Variants in KCNMA1 observed in about 807,000 individuals in gnomAD.
KCNMA1 encodes Calcium-activated potassium channel subunit alpha-1.
Under a neutral mutation model 140.0 loss-of-function variants are expected in KCNMA1, and 29 were observed. That is an observed-to-expected ratio of 0.21 (90% CI 0.15 to 0.28). KCNMA1 has a LOEUF of 0.28. Among genes scored for constraint, KCNMA1 ranks in the 10% least tolerant of loss-of-function variants. KCNMA1 has a pLI of 1.00. For missense variants in KCNMA1, 880 were observed against 1,602.2 expected (o/e 0.55, Z 7.70); for synonymous variants, 612 against 611.9 (o/e 1.00, Z 0.00).
intron 25 of KCNMA1, among the ~76,000 whole-genome samples, chr10:76,900,456 TG>T (rs1180945097): frequency 9.2e-5 from 14 of 152,196 alleles, no homozygotes; most frequent in African/African-American, 3.1e-4. Flanking sequence ...TTTTAGAATT[TG>T]GGGTTTTTTT....
chr10:77,263,007 T>C (rs2062436128), intron 2 of KCNMA1, among the ~76,000 whole-genome samples: 1 of 152,154 alleles, frequency 6.6e-6, no homozygotes, highest in Admixed American at 6.6e-5. Context: ...TTTACTGCAA[T>C]TTACAAAATG....
chr10:77,603,720 C>T (rs1319595777), intron 1 of KCNMA1, among the ~76,000 whole-genome samples: 2 of 152,158 alleles, frequency 1.3e-5, no homozygotes, highest in African/African-American at 4.8e-5. Flanking sequence ...ACCCCACAAC[C>T]CAGCCCCCAG....
intron 3 of KCNMA1, among the ~76,000 whole-genome samples, chr10:77,234,959 C>T (rs527706): frequency 0.36 from 54,502 of 152,090 alleles, 10,302 homozygotes; most frequent in East Asian, 0.56. Context: ...CAGAGTTCAG[C>T]AGAGATTTCC....
chr10:77,548,944 G>A (rs774899975), intron 1 of KCNMA1, among the ~76,000 whole-genome samples: 45 of 152,130 alleles, frequency 3.0e-4, no homozygotes, highest in Non-Finnish European at 2.4e-4. Context: ...AACTAATAAG[G>A]GATGCATAGA....
At chr10:77,460,724 G>A (rs954197159) in intron 1 of KCNMA1, among the ~76,000 whole-genome samples, 9 of 152,260 alleles carry the variant, frequency 5.9e-5, no homozygotes, top group Non-Finnish European at 1.2e-4. Context: ...ATAAGTGGGA[G>A]CTAAACTGAG....
intron 2 of KCNMA1, among the ~76,000 whole-genome samples, chr10:77,280,741 C>A (rs7901989): frequency 0.044 from 6,577 of 150,094 alleles, 511 homozygotes; most frequent in African/African-American, 0.15. Context: ...GTTGCCCAGG[C>A]TGGTCTCGAA....
intron 15 of KCNMA1, among the ~76,000 whole-genome samples, chr10:77,035,345 C>T (rs575008270): frequency 6.6e-6 from 1 of 152,340 alleles, no homozygotes; most frequent in South Asian, 2.1e-4. Flanking sequence ...CCCCAGCCTA[C>T]AGGGAGATGT....
intron 1 of KCNMA1, among the ~76,000 whole-genome samples, chr10:77,577,099 C>CT (rs745703118): frequency 8.0e-4 from 115 of 143,128 alleles, no homozygotes; most frequent in Admixed American, 1.8e-3. Flanking sequence ...TACACACTCT[C>CT]TTTTTTTTTC....
intron 1 of KCNMA1, among the ~76,000 whole-genome samples, chr10:77,434,045 A>C (rs1356384309): frequency 1.3e-5 from 2 of 152,222 alleles, no homozygotes; most frequent in Admixed American, 6.5e-5. Flanking sequence ...CCAACCTCAG[A>C]GTTGTCCCTT....
At chr10:77,025,242 G>GTGTATATATATATA (rs1436772387) in intron 16 of KCNMA1, among the ~76,000 whole-genome samples, 16 of 42,762 alleles carry the variant, frequency 3.7e-4, no homozygotes, top group East Asian at 1.8e-3. Context: ...GGGTGTGTGT[G>GTGTATATATATATA]TATATATATA....
chr10:76,951,964 G>A, intron 21 of KCNMA1: 1 of 1,370,034 alleles, frequency 7.3e-7, no homozygotes, highest in African/African-American at 1.4e-5. Flanking sequence ...AATGGTGTGT[G>A]GCACATAGTA....
chr10:77,634,473 A>C, intron 1 of KCNMA1: 7 of 985,422 alleles, frequency 7.1e-6, no homozygotes, highest in Non-Finnish European at 8.4e-6. Flanking sequence ...TTTGATCAAA[A>C]AGGTTTGGTG....
chr10:77,403,954 C>T lies in KCNMA1; in HGVS notation c.448G>A (p.Glu150Lys). The T allele has an allele frequency of 6.2e-7, 1 of 1,614,208 alleles. No individual in the cohort carries two copies. Among genetic ancestry groups the T allele is most frequent in the Non-Finnish European group, 8.5e-7 (1 of 1,180,038 alleles). The change falls in exon 2 of 28, where the codon GAG (glutamate) becomes AAG (lysine). Residue 150 changes from glutamate to lysine, a missense_variant. This residue lies in a region of KCNMA1 where 54 missense variants were observed against 56.4 expected (regional missense o/e 0.96). Coordinates refer to ENST00000286628, the MANE Select transcript of KCNMA1 (RefSeq NM_001161352.2). ...CAGCCGACCTCGGCGGCCACTGCCT[C>T]CTCTTTTTCATCCACTGGTTTGAGA... is the stretch of plus-strand genomic sequence containing the variant. Reference protein sequence around the residue: ...GTLKPVDEKEEAVAAEVGWMT... With the variant: ...GTLKPVDEKEKAVAAEVGWMT...
At chr10:77,598,356 C>A (rs779174966) in intron 1 of KCNMA1, among the ~76,000 whole-genome samples, 22 of 152,176 alleles carry the variant, frequency 1.4e-4, no homozygotes, top group Non-Finnish European at 2.5e-4. Context: ...GCATCCCCAG[C>A]ACCTAGCACA....
At chr10:77,396,112 G>A (rs1247877872) in intron 2 of KCNMA1, among the ~76,000 whole-genome samples, 1 of 152,204 alleles carries the variant, frequency 6.6e-6, no homozygotes, top group Non-Finnish European at 1.5e-5. Context: ...TCCCTTAGGA[G>A]TGTTAAAACA....
intron 14 of KCNMA1, among the ~76,000 whole-genome samples, chr10:77,068,847 C>T (rs998362081): frequency 6.7e-5 from 8 of 118,520 alleles, no homozygotes; most frequent in Non-Finnish European, 1.1e-4. Flanking sequence ...GTTAATCACC[C>T]TCTAAACACA....
At chr10:77,626,721 C>G (rs148899197) in intron 1 of KCNMA1, among the ~76,000 whole-genome samples, 1 of 152,322 alleles carries the variant, frequency 6.6e-6, no homozygotes, top group East Asian at 1.9e-4. Context: ...AACGCTTCAC[C>G]TCTGAGCCAC....
intron 2 of KCNMA1, among the ~76,000 whole-genome samples, chr10:77,347,204 A>G (rs2154381971): frequency 6.6e-6 from 1 of 152,306 alleles, no homozygotes; most frequent in Non-Finnish European, 1.5e-5. Context: ...TTGGGAGCTA[A>G]GATTTACCAG....
intron 20 of KCNMA1, among the ~76,000 whole-genome samples, chr10:76,957,085 G>A (rs1490140791): frequency 1.6e-5 from 2 of 127,216 alleles, no homozygotes; most frequent in East Asian, 4.8e-4. Flanking sequence ...CCGAGATCAC[G>A]CCACTACATT....
Sources: allele counts gnomAD v4.1 joint callset (sites outside exome capture counted in the v4.1 genomes callset), GRCh38; gene constraint gnomAD v4.1.1; regional missense constraint gnomAD v4.1.1; transcripts MANE v1.5; gene names NCBI Gene and HGNC (gene_info 2026-07-23, HGNC 2026-07-21).